The following NCOA3 variants were observed in gnomAD, a reference collection of about 807,000 sequenced individuals.
NCOA3 encodes the protein CBP-interacting protein.
NCOA3 carries 51 observed loss-of-function variants against 158.8 expected under a neutral mutation model. The ratio of observed to expected loss-of-function variants is 0.32; its 90% CI spans 0.26 to 0.41. The LOEUF (loss-of-function observed/expected upper bound fraction) is 0.41. NCOA3 is among the 10% of genes least tolerant of loss of function. The pLI is 1.00. For synonymous variants in NCOA3, 537 were observed against 592.4 expected, an observed-to-expected ratio of 0.91 and a Z score of 1.36; for missense variants, 1,510 against 1,746.6, an observed-to-expected ratio of 0.86 and a Z score of 2.41.
intron 2 of NCOA3, among the ~76,000 whole-genome samples, chr20:47,602,928 G>A (rs6066403): frequency 6.6e-6 from 1 of 151,872 alleles, no homozygotes; most frequent in African/African-American, 2.4e-5. Flanking sequence ...GTTTTTTTTA[G>A]GCTAAATTGC....
intron 12 of NCOA3, 29 bp from the exon 13 acceptor site, chr20:47,637,619 C>T (rs2086537077): frequency 6.4e-7 from 1 of 1,573,248 alleles, no homozygotes; most frequent in Non-Finnish European, 8.6e-7. Context: ...GTAATGTATA[C>T]AGGTTAATTT....
chr20:47,643,059 C>T (rs545392186), intron 17 of NCOA3, among the ~76,000 whole-genome samples: 82 of 152,302 alleles, frequency 5.4e-4, no homozygotes, highest in African/African-American at 1.9e-3. Context: ...TACAGGCACC[C>T]GCCACCACGC....
intron 1 of NCOA3, among the ~76,000 whole-genome samples, chr20:47,566,838 G>A (rs1176672406): frequency 1.3e-5 from 2 of 152,024 alleles, no homozygotes; most frequent in South Asian, 2.1e-4. Flanking sequence ...AGTAAGCATA[G>A]CTGGGTAGAG....
At chr20:47,593,083 G>T (rs973467441) in intron 2 of NCOA3, among the ~76,000 whole-genome samples, 11 of 151,978 alleles carry the variant, frequency 7.2e-5, no homozygotes, top group Non-Finnish European at 1.5e-4. Context: ...ACAGGCATCC[G>T]CCACCACACC....
chr20:47,595,938 CAGATGTT>C (rs1275978203), intron 2 of NCOA3, among the ~76,000 whole-genome samples: 1 of 152,134 alleles, frequency 6.6e-6, no homozygotes, highest in Non-Finnish European at 1.5e-5. Context: ...ATACCTCACT[CAGATGTT>C]AGAGCAAGTA....
chr20:47,632,690 T>G (rs1469459451), intron 8 of NCOA3, among the ~76,000 whole-genome samples: 3 of 38,072 alleles, frequency 7.9e-5, no homozygotes, highest in Middle Eastern at 0.023. Context: ...CTGGCCCGAG[T>G]TTTTTTTTTT....
intron 1 of NCOA3, among the ~76,000 whole-genome samples, chr20:47,547,875 C>T (rs1332410335): frequency 2.0e-5 from 3 of 151,826 alleles, no homozygotes; most frequent in Admixed American, 6.6e-5. Context: ...GCCACCACCC[C>T]CTGCTAATTA....
At chr20:47,600,961 A>G (rs1462689205) in intron 2 of NCOA3, among the ~76,000 whole-genome samples, 1 of 152,222 alleles carries the variant, frequency 6.6e-6, no homozygotes, top group Non-Finnish European at 1.5e-5. Flanking sequence ...ATTCCTATTG[A>G]TAATTGTATT....
chr20:47,616,031 G>A (rs966883710), intron 2 of NCOA3, among the ~76,000 whole-genome samples: 3 of 151,654 alleles, frequency 2.0e-5, no homozygotes, highest in South Asian at 4.2e-4. Flanking sequence ...GGTGGCAGGC[G>A]CCTGTAGTCC....
In NCOA3 at chr20:47,656,126, T is replaced by G. The variant is rs1242869620; in HGVS notation, c.*2709T>G. On this transcript the variant is annotated 3_prime_UTR_variant, in exon 23 of 23. Coordinates refer to ENST00000371998, the MANE Select transcript of NCOA3 (RefSeq NM_181659.3). The stretch of plus-strand genomic sequence containing the variant: ...AATGTGGGATATTTCCAGTACCTAC[T>G]TTTTTTTTTTTTTTTTGCTGAATCC... 2 of 78,466 alleles carry G rather than the reference T, an allele frequency of 2.5e-5. No homozygotes were observed. The highest frequency in any genetic ancestry group is 1.1e-4 in the African/African-American group (2 of 17,588). The allele number at this position is 78,466 out of a possible 1,614,324, so 4.9% of individuals were successfully genotyped here.
intron 1 of NCOA3, among the ~76,000 whole-genome samples, chr20:47,512,643 A>T (rs1016573338): frequency 2.6e-5 from 4 of 152,094 alleles, no homozygotes; most frequent in African/African-American, 9.7e-5. Context: ...AGTGGCAAGT[A>T]AGTACGAAAA....
At chr20:47,627,509 A>T in intron 6 of NCOA3, 52 bp from the exon 7 acceptor site, 1 of 1,401,170 alleles carries the variant, frequency 7.1e-7, no homozygotes, top group Admixed American at 2.0e-5. Flanking sequence ...GATGATGGTC[A>T]TAGAATGAGT....
At chr20:47,518,829 G>A (rs2084276713) in intron 1 of NCOA3, among the ~76,000 whole-genome samples, 1 of 152,026 alleles carries the variant, frequency 6.6e-6, no homozygotes, top group African/African-American at 2.4e-5. Context: ...ACATGCACAC[G>A]AACAATTAAG....
Position 47,635,556 on chromosome 20 carries a change from A to G in NCOA3, c.1347A>G (p.Gln449=). ...CATTGACCCCTGGGCCAGGCATGCA[A>G]TCACCATCTTCCTACCAGAACAACA... is the stretch of plus-strand genomic sequence containing the variant. ...IASLTPGPGM[Q]SPSSYQNNNY... is the part of the protein sequence containing the mutation. The change falls in exon 11 of 23, where the codon CAA becomes CAG. Residue 449 remains glutamine, a synonymous_variant. Coordinates refer to ENST00000371998, the MANE Select transcript of NCOA3 (RefSeq NM_181659.3). The G allele has an allele frequency of 2.5e-6, 4 of 1,614,092 alleles. No homozygotes were observed. The highest frequency in any genetic ancestry group is 3.4e-6 in the Non-Finnish European group (4 of 1,180,024).
At chr20:47,533,599 T>C (rs1338687344) in intron 1 of NCOA3, among the ~76,000 whole-genome samples, 1 of 152,102 alleles carries the variant, frequency 6.6e-6, no homozygotes, top group East Asian at 1.9e-4. Context: ...CCAGCAGTCA[T>C]GTGAAGAGTA....
intron 4 of NCOA3, among the ~76,000 whole-genome samples, chr20:47,624,499 A>T (rs554708636): frequency 6.6e-6 from 1 of 152,218 alleles, no homozygotes; most frequent in African/African-American, 2.4e-5. Context: ...TGTAGAACTC[A>T]GGTGGTAATG....
chr20:47,523,461 G>C (rs934739433), intron 1 of NCOA3, among the ~76,000 whole-genome samples: 4 of 152,114 alleles, frequency 2.6e-5, no homozygotes, highest in Non-Finnish European at 5.9e-5. Flanking sequence ...GAAATATTTC[G>C]AGTGATAGTA....
intron 1 of NCOA3, among the ~76,000 whole-genome samples, chr20:47,530,461 CTTTTTTTT>C (rs11483053): frequency 7.7e-6 from 1 of 129,408 alleles, no homozygotes; most frequent in African/African-American, 2.9e-5. Flanking sequence ...AATGATTTAA[CTTTTTTTT>C]TTTTTTTTTT....
chr20:47,608,550 G>C (rs1264872076), intron 2 of NCOA3, among the ~76,000 whole-genome samples: 3 of 146,520 alleles, frequency 2.0e-5, no homozygotes, highest in Non-Finnish European at 4.5e-5. Context: ...GAGGTGGGAG[G>C]ATCACTTCAG....
Sources: allele counts gnomAD v4.1 joint callset (sites outside exome capture counted in the v4.1 genomes callset), GRCh38; gene constraint gnomAD v4.1.1; transcripts MANE v1.5; gene names NCBI Gene and HGNC (gene_info 2026-07-23, HGNC 2026-07-21).